The following GPR149 variants were observed in gnomAD, a reference collection of about 807,000 sequenced individuals.
GPR149 encodes G protein-coupled receptor 149, also known as probable G protein-coupled receptor 149.
A neutral mutation model predicts 50.2 loss-of-function variants in GPR149; 50 were observed. The ratio of observed to expected loss-of-function variants is 1.00; its 90% CI spans 0.79 to 1.26. The LOEUF is 1.26. Among genes scored for constraint, GPR149 ranks in the 50% most tolerant of loss-of-function variants. The pLI, the probability that GPR149 is intolerant of heterozygous loss-of-function variation, is 0.00. For synonymous variants in GPR149, 405 were observed against 358.2 expected (o/e 1.13, Z -1.48); for missense variants, 983 against 895.4 (o/e 1.10, Z -1.25).
At chr3:154,402,374 C>A (rs1419102364) in intron 3 of GPR149, among the ~76,000 whole-genome samples, 1 of 151,130 alleles carries the variant, frequency 6.6e-6, no homozygotes, top group African/African-American at 2.4e-5. Context: ...TATGATCATA[C>A]CACTGCACTC....
In GPR149 at chr3:154,340,783, G is replaced by A. The variant is rs185948107; in HGVS notation, c.1624-2512C>T. Among the ~76,000 whole-genome samples the A allele has an allele frequency of 4.6e-5, 7 of 152,210 alleles. No individual in the cohort carries two copies. The East Asian group carries it at 1.4e-3, about 30-fold the overall frequency. ...GTTACCCAGGCTGGAGCGCAATGGC[G>A]CCGTCTCGGCTCACTGCAACCTCCA... is the stretch of plus-strand genomic sequence containing the variant. On this transcript the variant is annotated intron_variant, in intron 3 of 3. Transcript: ENST00000389740.
intron 3 of GPR149, chr3:154,353,467 C>G (rs986484308): frequency 6.5e-6 from 6 of 921,650 alleles, no homozygotes; most frequent in Non-Finnish European, 1.1e-5. Flanking sequence ...TCCACTTCAT[C>G]AAGCACAACA....
chr3:154,352,016 C>T (rs530386039), intron 3 of GPR149: 3 of 325,598 alleles, frequency 9.2e-6, no homozygotes, highest in Non-Finnish European at 1.7e-5. Context: ...AAAAATACGA[C>T]CAACTTCTGT....
chr3:154,388,583 C>T (rs1007587462), intron 3 of GPR149, among the ~76,000 whole-genome samples: 41 of 152,102 alleles, frequency 2.7e-4, no homozygotes, highest in African/African-American at 9.4e-4. Flanking sequence ...TTAGAAACAG[C>T]ATTCAGAAAG....
At chr3:154,343,981 G>GC (rs974163914) in intron 3 of GPR149, among the ~76,000 whole-genome samples, 6 of 150,354 alleles carry the variant, frequency 4.0e-5, no homozygotes, top group African/African-American at 7.4e-5. Flanking sequence ...TGTCCCCACC[G>GC]CCCCCCCAAA....
At chr3:154,392,079 ATC>A (rs1318025240) in intron 3 of GPR149, among the ~76,000 whole-genome samples, 2 of 151,880 alleles carry the variant, frequency 1.3e-5, no homozygotes, top group Non-Finnish European at 2.9e-5. Context: ...AGACTTCAAT[ATC>A]TCACTTTTAA....
chr3:154,359,647 G>A (rs1714334608), intron 3 of GPR149, among the ~76,000 whole-genome samples: 1 of 152,094 alleles, frequency 6.6e-6, no homozygotes, highest in South Asian at 2.1e-4. Context: ...AGACATACTT[G>A]GTTTCTCAAG....
intron 3 of GPR149, among the ~76,000 whole-genome samples, chr3:154,374,154 CTTTTCT>C (rs781159431): frequency 0.033 from 379 of 11,506 alleles, no homozygotes; most frequent in Non-Finnish European, 0.046. Context: ...TTCTTTCTTT[CTTTTCT>C]TTTCTTTTCT....
At chr3:154,410,851 T>C (rs1559988219) in intron 3 of GPR149, among the ~76,000 whole-genome samples, 1 of 152,258 alleles carries the variant, frequency 6.6e-6, no homozygotes, top group East Asian at 1.9e-4. Flanking sequence ...ACTTAACAGA[T>C]ATTTACAAAA....
At chr3:154,374,787 T>C (rs536552587) in intron 3 of GPR149, among the ~76,000 whole-genome samples, 2 of 152,242 alleles carry the variant, frequency 1.3e-5, no homozygotes, top group East Asian at 1.9e-4. Context: ...TCTGATACCA[T>C]CATTAGTGAG....
At chr3:154,380,899 T>A (rs1046005643) in intron 3 of GPR149, among the ~76,000 whole-genome samples, 2 of 152,182 alleles carry the variant, frequency 1.3e-5, no homozygotes, top group Non-Finnish European at 2.9e-5. Flanking sequence ...AGAAAATTCC[T>A]ATAGCTATTT....
chr3:154,426,268 A>T (rs1207735869), intron 2 of GPR149, among the ~76,000 whole-genome samples: 2 of 152,164 alleles, frequency 1.3e-5, no homozygotes, highest in Non-Finnish European at 2.9e-5. Flanking sequence ...ACAATAAAAA[A>T]TTTTCTGGTA....
chr3:154,388,780 A>C (rs1715101921), intron 3 of GPR149, among the ~76,000 whole-genome samples: 1 of 152,040 alleles, frequency 6.6e-6, no homozygotes, highest in African/African-American at 2.4e-5. Flanking sequence ...TTTATCATTC[A>C]TACCACAGAC....
intron 3 of GPR149, among the ~76,000 whole-genome samples, chr3:154,404,175 A>G (rs1021844075): frequency 6.6e-5 from 10 of 152,228 alleles, no homozygotes; most frequent in African/African-American, 2.4e-4. Context: ...AAGTTTTTCC[A>G]TATTCTCATT....
At chr3:154,381,738 A>G (rs1714933770) in intron 3 of GPR149, among the ~76,000 whole-genome samples, 1 of 152,182 alleles carries the variant, frequency 6.6e-6, no homozygotes, top group Non-Finnish European at 1.5e-5. Context: ...TTGAAGAAAT[A>G]AAGGTAATTA....
At chr3:154,339,258 G>A (rs1337895666) in intron 3 of GPR149, among the ~76,000 whole-genome samples, 5 of 152,154 alleles carry the variant, frequency 3.3e-5, no homozygotes, top group South Asian at 2.1e-4. Context: ...CAGGTACAGG[G>A]TCAAGCAATC....
At chr3:154,373,783 A>C (rs940864857) in intron 3 of GPR149, among the ~76,000 whole-genome samples, 1 of 152,164 alleles carries the variant, frequency 6.6e-6, no homozygotes, top group African/African-American at 2.4e-5. Context: ...CTATACCTCA[A>C]ATCTTCTGCA....
In GPR149 at chr3:154,367,187, T is replaced by C. The variant is rs544508728; in HGVS notation, c.1624-28916A>G. Among the ~76,000 whole-genome samples, 11 of 152,282 alleles carry C rather than the reference T, an allele frequency of 7.2e-5. No individual in the cohort carries two copies. The East Asian group carries it at 2.1e-3, about 29-fold the overall frequency. On this transcript the variant is annotated intron_variant, in intron 3 of 3. Transcript: ENST00000389740. ...CTCACTCCTTTCCTGCATCAGGACT[T>C]ATTTTGGTCTTGGATGAATAATATT...
chr3:154,374,774 T>C (rs1451784105), intron 3 of GPR149, among the ~76,000 whole-genome samples: 2 of 152,142 alleles, frequency 1.3e-5, no homozygotes, highest in African/African-American at 4.8e-5. Context: ...TGCCTTATGC[T>C]TTTCTGATAC....
Sources: gnomAD v4.1 joint callset for allele counts (sites outside exome capture counted in the v4.1 genomes callset) on GRCh38, gnomAD v4.1.1 for gene constraint, MANE v1.5 for transcripts, NCBI Gene and HGNC (gene_info 2026-07-23, HGNC 2026-07-21) for gene names.